Variants in REC114 observed in about 807,000 individuals in gnomAD.
The protein encoded by REC114 is REC114 meiotic recombination protein.
In REC114, 27 loss-of-function variants were observed where a neutral mutation model predicts 31.3. That is an observed-to-expected ratio of 0.86 (90% CI 0.64 to 1.19). The LOEUF is 1.19. Among genes scored for constraint, REC114 ranks in the 50% most tolerant of loss-of-function variants. The pLI, the probability that REC114 is intolerant of heterozygous loss-of-function variation, is 0.00. For missense variants in REC114, 344 were observed against 326.9 expected (o/e 1.05, Z -0.40); for synonymous variants, 134 against 127.7 (o/e 1.05, Z -0.33).
intron 1 of REC114, among the ~76,000 whole-genome samples, chr15:73,451,942 G>A (rs1892855737): frequency 6.6e-6 from 1 of 152,164 alleles, no homozygotes; most frequent in African/African-American, 2.4e-5. Context: ...AGCACTTCAT[G>A]CTAAAAACTC....
At chr15:73,555,668 G>T (rs992610297) in intron 4 of REC114, among the ~76,000 whole-genome samples, 6 of 152,030 alleles carry the variant, frequency 3.9e-5, no homozygotes, top group Non-Finnish European at 8.8e-5. Context: ...GTTCTTTGTC[G>T]CTCCTATCCC....
chr15:73,485,690 C>A (rs1893355947), intron 2 of REC114, among the ~76,000 whole-genome samples: 2 of 152,250 alleles, frequency 1.3e-5, no homozygotes, highest in Non-Finnish European at 2.9e-5. Context: ...CAGAGGCCTC[C>A]CCAGAAGCAG....
chr15:73,492,351 T>C (rs1182735003), intron 2 of REC114, among the ~76,000 whole-genome samples: 2 of 152,322 alleles, frequency 1.3e-5, no homozygotes, highest in African/African-American at 4.8e-5. Flanking sequence ...AATGAGATTG[T>C]TCATTCTCAT....
chr15:73,488,074 A>G (rs1409067166), intron 2 of REC114, among the ~76,000 whole-genome samples: 1 of 152,148 alleles, frequency 6.6e-6, no homozygotes, highest in East Asian at 1.9e-4. Flanking sequence ...GTGGTCAAGG[A>G]ACACTGCACC....
chr15:73,479,206 T>C (rs368179196), intron 2 of REC114, among the ~76,000 whole-genome samples: 2 of 151,142 alleles, frequency 1.3e-5, no homozygotes, highest in East Asian at 3.9e-4. Flanking sequence ...TTTTTTTTTG[T>C]AGATCCAATT....
chr15:73,461,819 G>A (rs1185419012), intron 1 of REC114, among the ~76,000 whole-genome samples: 2 of 151,538 alleles, frequency 1.3e-5, no homozygotes, highest in Non-Finnish European at 2.9e-5. Flanking sequence ...GGAACGAAGA[G>A]AAGATGTAAA....
Position 73,455,531 on chromosome 15 carries a change from TACA to T in REC114, c.159+12192_159+12194del, listed in dbSNP as rs532124467. Among the ~76,000 whole-genome samples, 384 of 152,238 alleles carry T rather than the reference TACA, an allele frequency of 2.5e-3. 1 individual carries two copies. Among genetic ancestry groups the T allele is most frequent in the African/African-American group, 8.7e-3 (361 of 41,556 alleles). On this transcript the variant is annotated intron_variant, in intron 1 of 5. Transcript: ENST00000331090. ...TCAACTCAAGAGAAAAAATGAATAGTACAACAAGACTCCTAAGACTCGAAGTCC... is the reference window on the plus strand; with the variant it reads ...TCAACTCAAGAGAAAAAATGAATAGTACAAGACTCCTAAGACTCGAAGTCC...
Position 73,538,015 on chromosome 15 carries a change from C to T in REC114, c.250-2470C>T, listed in dbSNP as rs76858025. Among the ~76,000 whole-genome samples, 553 of 152,260 alleles carry T rather than the reference C, an allele frequency of 3.6e-3. 22 individuals carry two copies. In the East Asian group the frequency reaches 0.09, roughly 25 times the overall value. ...GTGTTAGAGTTCAGTTTATATAGAGCTGCACTGTCCAAGATCAGTAGGAGT... is the reference window on the plus strand; with the variant it reads ...GTGTTAGAGTTCAGTTTATATAGAGTTGCACTGTCCAAGATCAGTAGGAGT... On this transcript the variant is annotated intron_variant, in intron 2 of 5. Transcript: ENST00000331090.
At chr15:73,467,563 C>A in intron 1 of REC114, among the ~76,000 whole-genome samples, 1 of 152,252 alleles carries the variant, frequency 6.6e-6, no homozygotes. Context: ...CTTTCTATGT[C>A]TTTTTTCTTC....
chr15:73,534,149 C>T (rs1435382715), intron 2 of REC114, among the ~76,000 whole-genome samples: 1 of 150,138 alleles, frequency 6.7e-6, no homozygotes, highest in African/African-American at 2.5e-5. Flanking sequence ...AGAGCAAACA[C>T]ATTCAAAAGC....
intron 3 of REC114, among the ~76,000 whole-genome samples, chr15:73,546,468 AGG>A (rs1321810506): frequency 6.6e-6 from 1 of 152,212 alleles, no homozygotes; most frequent in Non-Finnish European, 1.5e-5. Context: ...GTTCATCCAT[AGG>A]GGGCCAGTTA....
intron 1 of REC114, among the ~76,000 whole-genome samples, chr15:73,444,385 A>C (rs1278939792): frequency 9.2e-5 from 14 of 152,304 alleles, no homozygotes; most frequent in Admixed American, 6.5e-4. Flanking sequence ...AGTTTATGTG[A>C]TATTCTAAAT....
chr15:73,461,860 A>G (rs558022961), intron 1 of REC114, among the ~76,000 whole-genome samples: 2 of 147,484 alleles, frequency 1.4e-5, no homozygotes, highest in African/African-American at 5.0e-5. Context: ...ACCCCTTAAC[A>G]TTAATGTCTT....
intron 2 of REC114, among the ~76,000 whole-genome samples, chr15:73,517,777 G>A (rs1210912910): frequency 1.3e-5 from 2 of 152,210 alleles, no homozygotes; most frequent in African/African-American, 4.8e-5. Flanking sequence ...GGTCAGAGAA[G>A]GCTGTGCTAG....
Position 73,540,504 on chromosome 15 carries a change from G to T in REC114, c.269G>T (p.Gly90Val), listed in dbSNP as rs1894222809. Reference protein sequence around the residue: ...QTLLEGFSLIGSKDWLKIVRR... With the variant: ...QTLLEGFSLIVSKDWLKIVRR... ...TTTCAGGAAGGGTTTTCACTCATTGGTAGCAAGGACTGGTTGAAGATTGTA... is the reference window on the plus strand; with the variant it reads ...TTTCAGGAAGGGTTTTCACTCATTGTTAGCAAGGACTGGTTGAAGATTGTA... Residue 90 changes from glycine (G) to valine (V), a missense_variant, in exon 3 of 6, where the codon GGT becomes GTT. Physicochemically the swap from Gly to Val is moderately radical, Grantham distance 109. Transcript: ENST00000331090. The T allele has an allele frequency of 1.2e-6, 2 of 1,613,738 alleles. No individual in the cohort carries two copies. Among genetic ancestry groups the T allele is most frequent in the African/African-American group, 1.3e-5 (1 of 74,888 alleles).
At chr15:73,489,806 C>G (rs1267740802) in intron 2 of REC114, among the ~76,000 whole-genome samples, 1 of 151,878 alleles carries the variant, frequency 6.6e-6, no homozygotes, top group Admixed American at 6.6e-5. Context: ...GCAGCAGTTC[C>G]CTTATTTGCT....
intron 2 of REC114, among the ~76,000 whole-genome samples, chr15:73,480,933 C>T (rs888937549): frequency 6.6e-6 from 1 of 152,182 alleles, no homozygotes; most frequent in East Asian, 1.9e-4. Flanking sequence ...CCACCTTGGC[C>T]TCCCAAAGTG....
intron 2 of REC114, 57 bp downstream of exon 2, chr15:73,473,978 A>G: frequency 3.4e-6 from 4 of 1,177,178 alleles, no homozygotes. Flanking sequence ...TCTTAGCTTT[A>G]CATGAATTTT....
intron 2 of REC114, among the ~76,000 whole-genome samples, chr15:73,517,587 TCA>T (rs1445726991): frequency 1.3e-5 from 2 of 152,174 alleles, no homozygotes; most frequent in Non-Finnish European, 2.9e-5. Flanking sequence ...GAAGGTAGCC[TCA>T]TTTACTGAAG....
Sources: gnomAD v4.1 joint callset for allele counts (sites outside exome capture counted in the v4.1 genomes callset) on GRCh38, gnomAD v4.1.1 for gene constraint, MANE v1.5 for transcripts, NCBI Gene and HGNC (gene_info 2026-07-23, HGNC 2026-07-21) for gene names.